Variants in UTP6 observed in about 807,000 individuals in gnomAD.
UTP6 encodes UTP6 small subunit processome component.
A neutral mutation model predicts 96.5 loss-of-function variants in UTP6; 60 were observed. The ratio of observed to expected loss-of-function variants is 0.62; its 90% CI spans 0.51 to 0.77. The LOEUF is 0.77. Ranked by LOEUF, UTP6 falls within the 30% of genes least tolerant of loss-of-function variation. The pLI, the probability that UTP6 is intolerant of heterozygous loss-of-function variation, is 0.00. For missense variants in UTP6, 637 were observed against 706.5 expected, an observed-to-expected ratio of 0.90 and a Z score of 1.12; for synonymous variants, 215 against 240.1, an observed-to-expected ratio of 0.90 and a Z score of 0.96.
At chr17:31,880,530 A>C in intron 11 of UTP6, 43 bp downstream of exon 11, 1 of 1,610,028 alleles carries the variant, frequency 6.2e-7, no homozygotes, top group Non-Finnish European at 8.5e-7. Context: ...ACAATCAGGG[A>C]TACTATTCCT....
Position 31,892,271 on chromosome 17 carries a change from G to C in UTP6, c.413C>G (p.Ser138Cys). Residue 138 changes from serine to cysteine, a missense_variant, in exon 6 of 19, where the codon TCC becomes TGC. Ser to Cys is a moderately radical substitution (Grantham distance 112, BLOSUM62 -1). Coordinates refer to ENST00000261708, the MANE Select transcript of UTP6 (RefSeq NM_018428.3). ...AGATTTCACCATACCTGGTTTGTTG[G>C]AATGAATCGCCAACATGGCAGAGAA... is the stretch of plus-strand genomic sequence containing the variant. ...KVFSAMLAIH[S>C]NKPALWIMAA... The C allele has an allele frequency of 6.2e-7, 1 of 1,614,124 alleles. No homozygotes were observed. The highest frequency in any genetic ancestry group is 8.5e-7 in the Non-Finnish European group (1 of 1,180,006).
intron 10 of UTP6, among the ~76,000 whole-genome samples, 158 bp from the exon 11 acceptor site, chr17:31,880,912 G>A (rs1910794419): frequency 6.6e-6 from 1 of 152,140 alleles, no homozygotes; most frequent in Non-Finnish European, 1.5e-5. Context: ...GGTGGCTCAC[G>A]CCACTGGGAG....
chr17:31,879,918 C>T (rs918499535), intron 11 of UTP6, among the ~76,000 whole-genome samples: 15 of 151,884 alleles, frequency 9.9e-5, no homozygotes, highest in African/African-American at 1.5e-4. Flanking sequence ...CCAGCCTGGC[C>T]AACATGGTGA....
At chr17:31,873,247 C>A in intron 16 of UTP6, 131 bp downstream of exon 16, 1 of 814,960 alleles carries the variant, frequency 1.2e-6, no homozygotes, top group Non-Finnish European at 1.9e-6. Context: ...GAGCAAGACT[C>A]CATCTTAAAA....
Position 31,901,541 on chromosome 17 carries a change from C to T in UTP6, c.87G>A (p.Glu29=). 1 of 1,613,974 alleles carries T rather than the reference C, an allele frequency of 6.2e-7. No individual in the cohort carries two copies. Among genetic ancestry groups the T allele is most frequent in the East Asian group, 2.2e-5 (1 of 44,884 alleles). ...LERIGLFSHA[E]IKAIIKKASD... The stretch of plus-strand genomic sequence containing the variant: ...TCTCCCCAACCCTCTCTCACTTAAT[C>T]TCCGCATGACTGAACAGTCCAATGC... The change falls in exon 1 of 19, where the codon GAG becomes GAA. Residue 29 remains glutamate, a synonymous_variant. Coordinates refer to ENST00000261708, the MANE Select transcript of UTP6 (RefSeq NM_018428.3).
At chr17:31,898,773 A>C (rs1192041242) in intron 2 of UTP6, among the ~76,000 whole-genome samples, 1 of 152,006 alleles carries the variant, frequency 6.6e-6, no homozygotes, top group Admixed American at 6.6e-5. Flanking sequence ...ATGATGCCTC[A>C]TGCCTGTAAT....
At chr17:31,879,736 C>G (rs1041026314) in intron 11 of UTP6, among the ~76,000 whole-genome samples, 1 of 151,986 alleles carries the variant, frequency 6.6e-6, no homozygotes, top group Non-Finnish European at 1.5e-5. Context: ...TCCTAAGCTT[C>G]CCCCAAAATA....
rs1259223505 is a variant in UTP6, at chr17:31,887,328, T to G, written c.544-15A>C. On this transcript the variant is annotated splice_polypyrimidine_tract_variant and intron_variant, in intron 7 of 18. Coordinates refer to ENST00000261708, the MANE Select transcript of UTP6 (RefSeq NM_018428.3). ...ATCCTAAAGTACTACAGAAGAGAAA[T>G]AAACTGAAAATCTTTGGAGATGCTT... is the stretch of plus-strand genomic sequence containing the variant. The G allele has an allele frequency of 6.2e-7, 1 of 1,611,498 alleles. No individual in the cohort carries two copies. Among genetic ancestry groups the G allele is most frequent in the East Asian group, 2.2e-5 (1 of 44,832 alleles).
chr17:31,886,118 A>G (rs1290716486), intron 8 of UTP6, 57 bp from the exon 9 acceptor site: 2 of 1,491,250 alleles, frequency 1.3e-6, no homozygotes, highest in African/African-American at 1.4e-5. Flanking sequence ...GAAAAGCACT[A>G]GGACGAAAAT....
Position 31,861,728 on chromosome 17 carries a change from T to C in UTP6, c.*1631A>G, listed in dbSNP as rs1280516274. On this transcript the variant is annotated 3_prime_UTR_variant, in exon 19 of 19. Transcript: ENST00000261708. Reference sequence around the variant, plus strand: ...CACTAACTTCACTAATATCAAAGTATGGTAAAACAATGACATATCACATTT... The same window carrying C: ...CACTAACTTCACTAATATCAAAGTACGGTAAAACAATGACATATCACATTT... 5 of 152,170 alleles carry C rather than the reference T, an allele frequency of 3.3e-5. No individual in the cohort carries two copies. Among genetic ancestry groups the C allele is most frequent in the Non-Finnish European group, 7.3e-5 (5 of 68,032 alleles). The allele number at this position is 152,170 out of a possible 1,614,324, so 9.4% of individuals were successfully genotyped here.
At chr17:31,889,156 G>T in intron 7 of UTP6, 129 bp downstream of exon 7, 1 of 582,614 alleles carries the variant, frequency 1.7e-6, no homozygotes, top group Non-Finnish European at 2.9e-6. Flanking sequence ...GTATGGTGGC[G>T]GGCACCTGTA....
At chr17:31,878,179 A>G in intron 13 of UTP6, 71 bp downstream of exon 13, 2 of 1,499,970 alleles carry the variant, frequency 1.3e-6, no homozygotes, top group Non-Finnish European at 1.9e-6. Context: ...TATTTAAAAC[A>G]TGACTCTGGC....
At chr17:31,871,134 C>T (rs1363228596) in intron 16 of UTP6, among the ~76,000 whole-genome samples, 2 of 151,906 alleles carry the variant, frequency 1.3e-5, no homozygotes, top group Admixed American at 1.3e-4. Flanking sequence ...GGAATACAGG[C>T]GCCTGCCACC....
At chr17:31,878,532 G>A (rs1323975805) in intron 12 of UTP6, among the ~76,000 whole-genome samples, 170 bp downstream of exon 12, 6 of 152,124 alleles carry the variant, frequency 3.9e-5, no homozygotes, top group Admixed American at 6.6e-5. Context: ...CTAACCTGGC[G>A]GCAAACCAGA....
chr17:31,892,495 C>T (rs1259661485), intron 5 of UTP6, among the ~76,000 whole-genome samples, 172 bp from the exon 6 acceptor site: 1 of 152,150 alleles, frequency 6.6e-6, no homozygotes, highest in Non-Finnish European at 1.5e-5. Flanking sequence ...CTCAATTAAA[C>T]CACTAAACAC....
At position 31,875,305 on chromosome 17, in the gene UTP6, C is replaced by A. The variant is rs773858183; in HGVS notation, c.1234G>T (p.Val412Leu). Residue 412 changes from valine to leucine, a missense_variant, in exon 14 of 19, where the codon GTG becomes TTG. Coordinates refer to ENST00000261708, the MANE Select transcript of UTP6 (RefSeq NM_018428.3). The part of the protein sequence containing the change: ...SGTMWQLKLQ[V>L]LIESKSPDIA... ...TCAGGGCTCTTTGACTCGATCAGCACCTGCAGCTTCAGCTGCCACATTGTC... is the reference window on the plus strand; with the variant it reads ...TCAGGGCTCTTTGACTCGATCAGCAACTGCAGCTTCAGCTGCCACATTGTC... The A allele has an allele frequency of 8.1e-6, 13 of 1,614,076 alleles. No individual in the cohort carries two copies. Among genetic ancestry groups the A allele is most frequent in the East Asian group, 2.2e-5 (1 of 44,898 alleles).
intron 11 of UTP6, 122 bp downstream of exon 11, chr17:31,880,451 C>A: frequency 1.1e-5 from 13 of 1,139,260 alleles, no homozygotes; most frequent in Admixed American, 2.3e-5. Context: ...AGGCCAGGCT[C>A]ATCGTAAACT....
intron 14 of UTP6, among the ~76,000 whole-genome samples, chr17:31,874,555 G>C (rs1447447149): frequency 8.2e-5 from 3 of 36,580 alleles, no homozygotes; most frequent in Non-Finnish European, 1.6e-4. Flanking sequence ...CAAAAAAAAG[G>C]AAAAACCACC....
In UTP6 at chr17:31,889,408, A is replaced by G. The variant is rs1911336939; in HGVS notation, c.425-5T>C. On this transcript the variant is annotated splice_region_variant and splice_polypyrimidine_tract_variant and intron_variant, in intron 6 of 18. Coordinates refer to ENST00000261708, the MANE Select transcript of UTP6 (RefSeq NM_018428.3). The stretch of plus-strand genomic sequence containing the variant: ...TGGCTGCCATAATCCACAAAGCTGT[A>G]AGTGAAAAACCATCAGATTTCATTT... The G allele has an allele frequency of 6.2e-7, 1 of 1,605,358 alleles. No individual in the cohort carries two copies. The highest frequency in any genetic ancestry group is 1.3e-5 in the African/African-American group (1 of 74,698).
Sources: gnomAD v4.1 joint callset for allele counts (sites outside exome capture counted in the v4.1 genomes callset) on GRCh38, gnomAD v4.1.1 for gene constraint, MANE v1.5 for transcripts, NCBI Gene and HGNC (gene_info 2026-07-23, HGNC 2026-07-21) for gene names.